The following PHRF1 variants were observed in gnomAD, a reference collection of about 807,000 sequenced individuals.
PHRF1 encodes PHD and RING finger domain-containing protein 1.
Under a neutral mutation model 128.9 loss-of-function variants are expected in PHRF1, and 53 were observed. The ratio of observed to expected loss-of-function variants is 0.41; its 90% confidence interval spans 0.33 to 0.52. PHRF1 has a LOEUF of 0.52. Ranked by LOEUF, PHRF1 falls within the 20% of genes least tolerant of loss-of-function variation. The pLI is 0.21. For synonymous variants in PHRF1, 1,178 were observed against 980.6 expected, an observed-to-expected ratio of 1.20 and a Z score of -3.76; for missense variants, 2,503 against 2,284.5, an observed-to-expected ratio of 1.10 and a Z score of -1.95.
chr11:605,856 T>C (rs4623937), intron 12 of PHRF1, 132 bp downstream of exon 12: 1,171,674 of 1,365,358 alleles, frequency 0.86, 503,585 homozygotes, highest in Middle Eastern at 0.88. Context: ...TCAGCTGTCA[T>C]GCTCATCAGT....
intron 3 of PHRF1, among the ~76,000 whole-genome samples, chr11:585,769 G>A (rs1031123727): frequency 8.9e-5 from 13 of 145,788 alleles, no homozygotes; most frequent in African/African-American, 3.4e-4. Flanking sequence ...CAAGCTCTGC[G>A]TCCCAGGTTC....
chr11:588,729 T>C (rs1396696826), intron 4 of PHRF1, among the ~76,000 whole-genome samples: 1 of 152,174 alleles, frequency 6.6e-6, no homozygotes, highest in Non-Finnish European at 1.5e-5. Context: ...AAGTGAAGCT[T>C]TCATTTAAAT....
rs1856203381 is a variant in PHRF1 at position 609,409 on chromosome 11, C to T, written c.3953C>T (p.Ala1318Val). 1.2e-6 allele frequency: 2 copies of T among 1,610,338 alleles called. No homozygotes were observed. Among genetic ancestry groups the T allele is most frequent in the Non-Finnish European group, 8.5e-7 (1 of 1,179,856 alleles). ...CCCCCAGCCAGCCTGGCCGTGGCCG[C>T]CATCCAGAGGGAGGTGTCATTGATG... ...ALPPASLAVA[A>V]IQREVSLMHD... Residue 1318 changes from alanine to valine, a missense_variant, in exon 14 of 18, where the codon GCC (alanine) becomes GTC (valine). Physicochemically the swap from Ala to Val is moderately conservative, Grantham distance 64 (BLOSUM62 0). Transcript: ENST00000264555.
Position 610,271 on chromosome 11 carries a change from G to A in PHRF1, c.4340G>A (p.Arg1447Lys). The A allele has an allele frequency of 6.4e-7, 1 of 1,558,298 alleles. No individual in the cohort carries two copies. Among genetic ancestry groups the A allele is most frequent in the Non-Finnish European group, 8.7e-7 (1 of 1,151,174 alleles). The change falls in exon 15 of 18, where the codon AGG (arginine) becomes AAG (lysine). Residue 1447 changes from arginine (R) to lysine (K), a missense_variant. By Grantham distance (26) the Arg-to-Lys change is conservative. Coordinates refer to ENST00000264555, the MANE Select transcript of PHRF1 (RefSeq NM_001286581.2). ...DMEDVAPTGV[R>K]QVFSELPFPS... Reference sequence around the variant, plus strand: ...GAGGATGTGGCCCCCACAGGGGTCAGGCAGGTGTTCTCCGAGCTGCCCTTT... The same window carrying A: ...GAGGATGTGGCCCCCACAGGGGTCAAGCAGGTGTTCTCCGAGCTGCCCTTT...
At position 605,483 on chromosome 11, in the gene PHRF1, C is replaced by T. The variant is rs1007738678; in HGVS notation, c.1335-122C>T. On this transcript the variant is annotated intron_variant, in intron 11 of 17. Transcript: ENST00000264555. The stretch of plus-strand genomic sequence containing the variant: ...GAACTCAGAGGTCTGGTTCGGGGCC[C>T]GAATCACACGTGCCGCCACATGGCC... 35 of 1,505,260 alleles carry T rather than the reference C, an allele frequency of 2.3e-5. 1 individual carries two copies. Among genetic ancestry groups the T allele is most frequent in the East Asian group, 2.3e-4 (10 of 43,292 alleles). The allele number at this position is 1,505,260 out of a possible 1,614,324, so 93.2% of individuals were successfully genotyped here. A position where few individuals can be genotyped will look rare whatever the true frequency, so the allele number is the denominator to read the frequency against.
chr11:610,200 A>C lies in PHRF1; in HGVS notation c.4269A>C (p.Ala1423=). ...SAPAEDRAPR[A]PLHRPQKPRE... ...CCCTGTCTGTCGGGCCCCCAGGGGC[A>C]CCACTTCACAGGCCACAGAAGCCCC... Residue 1423 remains alanine, a synonymous_variant, in exon 15 of 18, where the codon GCA becomes GCC. Transcript: ENST00000264555. 6.6e-7 allele frequency: 1 copy of C among 1,515,286 alleles called. No homozygotes were observed. Among genetic ancestry groups the C allele is most frequent in the Non-Finnish European group, 8.9e-7 (1 of 1,126,320 alleles). 93.9% of individuals were successfully genotyped at this position (1,515,286 alleles called of 1,614,324 possible).
At chr11:610,811 A>T in intron 16 of PHRF1, 50 bp downstream of exon 16, 1 of 1,588,722 alleles carries the variant, frequency 6.3e-7, no homozygotes. Flanking sequence ...TTACTTTGAA[A>T]CTAAAGTTGT....
In PHRF1 at chr11:607,491, C is replaced by A. The variant is rs761928233; in HGVS notation, c.2035C>A (p.Leu679Ile). Reference protein sequence around the residue: ...PAPRRTDISELPRIPKIRRDD... With the variant: ...PAPRRTDISEIPRIPKIRRDD... Reference sequence around the variant, plus strand: ...GCCCAGAAGAACAGACATCTCTGAGCTACCCAGGATACCAAAGATCAGGAG... The same window carrying A: ...GCCCAGAAGAACAGACATCTCTGAGATACCCAGGATACCAAAGATCAGGAG... Residue 679 changes from leucine (L) to isoleucine (I), a missense_variant, in exon 14 of 18, where the codon CTA becomes ATA. Transcript: ENST00000264555. The A allele has an allele frequency of 1.2e-6, 2 of 1,612,880 alleles. No homozygotes were observed. Among genetic ancestry groups the A allele is most frequent in the Non-Finnish European group, 1.7e-6 (2 of 1,179,900 alleles).
chr11:601,929 A>T (rs1245552785), intron 10 of PHRF1, among the ~76,000 whole-genome samples: 2 of 152,216 alleles, frequency 1.3e-5, no homozygotes, highest in African/African-American at 4.8e-5. Flanking sequence ...TTCCTGAGGC[A>T]CACTGAGGGG....
Position 592,586 on chromosome 11 carries a change from G to A in PHRF1, c.532G>A (p.Glu178Lys), listed in dbSNP as rs930157776. ...KIPVENTKAS[E>K]EEEDPTFCEV... ...CCCAGTGGAGAACACCAAAGCGAGCGAGGAGGAGGAGGACCCGACCTTCTG... is the reference window on the plus strand; with the variant it reads ...CCCAGTGGAGAACACCAAAGCGAGCAAGGAGGAGGAGGACCCGACCTTCTG... The change falls in exon 6 of 18, where the codon GAG (glutamate) becomes AAG (lysine). Residue 178 changes from glutamate to lysine, a missense_variant. Coordinates refer to ENST00000264555, the MANE Select transcript of PHRF1 (RefSeq NM_001286581.2). 11 of 1,613,228 alleles carry A rather than the reference G, an allele frequency of 6.8e-6. No homozygotes were observed. Among genetic ancestry groups the A allele is most frequent in the South Asian group, 2.2e-5 (2 of 91,090 alleles).
chr11:598,684 G>T (rs1483724775), intron 9 of PHRF1, among the ~76,000 whole-genome samples, 182 bp downstream of exon 9: 10 of 152,256 alleles, frequency 6.6e-5, no homozygotes, highest in Admixed American at 6.5e-4. Context: ...CTGATGTGCC[G>T]ATCTGCGACC....
At position 607,828 on chromosome 11, in the gene PHRF1, T is replaced by C. The variant is rs762181070; in HGVS notation, c.2372T>C (p.Leu791Pro). 8 of 1,612,556 alleles carry C rather than the reference T, an allele frequency of 5.0e-6. No individual in the cohort carries two copies. In the African/African-American group the frequency reaches 9.3e-5, roughly 19 times the overall value. Residue 791 changes from leucine (L) to proline (P), a missense_variant, in exon 14 of 18, where the codon CTC becomes CCC. By Grantham distance (98) the Leu-to-Pro change is moderately conservative. Coordinates refer to ENST00000264555, the MANE Select transcript of PHRF1 (RefSeq NM_001286581.2). ...IPGNMAHSSQ[L>P]SSPGFCNTFR... ...GGAAACATGGCACATTCCAGCCAGC[T>C]CTCCAGCCCTGGCTTCTGTAACACG...
In PHRF1 at chr11:609,428, A is replaced by G. The variant is rs761729204; in HGVS notation, c.3972A>G (p.Ser1324=). The change falls in exon 14 of 18, where the codon TCA becomes TCG. Residue 1324 remains serine (S), a synonymous_variant. Coordinates refer to ENST00000264555, the MANE Select transcript of PHRF1 (RefSeq NM_001286581.2). ...TGGCCGCCATCCAGAGGGAGGTGTC[A>G]TTGATGCACGATGAAGACCCTTCGC... The part of the protein sequence containing the change: ...LAVAAIQREV[S]LMHDEDPSQP... 6.2e-7 allele frequency: 1 copy of G among 1,608,830 alleles called. No individual in the cohort carries two copies. The highest frequency in any genetic ancestry group is 1.6e-4 in the Middle Eastern group (1 of 6,062).
Position 608,770 on chromosome 11 carries a change from A to C in PHRF1, c.3314A>C (p.Glu1105Ala), listed in dbSNP as rs746823716. The change falls in exon 14 of 18, where the codon GAG becomes GCG. Residue 1105 changes from glutamate to alanine, a missense_variant. Glu to Ala is a moderately radical substitution (Grantham distance 107). Transcript: ENST00000264555. The part of the protein sequence containing the change: ...SPGSSSYEHY[E>A]SRKKKKRRSA... ...GGCAGCTCTTCCTATGAGCACTATG[A>C]GAGTAGGAAGAAGAAGAAAAGGAGA... 5.6e-6 allele frequency: 9 copies of C among 1,611,426 alleles called. No homozygotes were observed. The highest frequency in any genetic ancestry group is 5.9e-6 in the Non-Finnish European group (7 of 1,179,616).
In PHRF1 at chr11:605,212, G is replaced by C; in HGVS notation, c.1246G>C (p.Glu416Gln). 3.1e-6 allele frequency: 5 copies of C among 1,613,576 alleles called. No homozygotes were observed. The highest frequency in any genetic ancestry group is 4.2e-6 in the Non-Finnish European group (5 of 1,179,872). Reference sequence around the variant, plus strand: ...CATCCCGTCAGTGTTGAAGCCAGTGGAGCCCTCTTTGGGGCTGCTGAGAGC... The same window carrying C: ...CATCCCGTCAGTGTTGAAGCCAGTGCAGCCCTCTTTGGGGCTGCTGAGAGC... ...SCIPSVLKPV[E>Q]PSLGLLRADI... The change falls in exon 11 of 18, where the codon GAG becomes CAG. Residue 416 changes from glutamate (E) to glutamine (Q), a missense_variant. By Grantham distance (29) the Glu-to-Gln change is conservative. Coordinates refer to ENST00000264555, the MANE Select transcript of PHRF1 (RefSeq NM_001286581.2).
At chr11:594,402 G>C (rs1206764241) in intron 6 of PHRF1, among the ~76,000 whole-genome samples, 2 of 152,240 alleles carry the variant, frequency 1.3e-5, no homozygotes, top group Non-Finnish European at 2.9e-5. Flanking sequence ...TGGTTTTCCT[G>C]TTAGCTTTTA....
chr11:593,015 C>T (rs979015745), intron 6 of PHRF1, among the ~76,000 whole-genome samples: 2 of 152,338 alleles, frequency 1.3e-5, no homozygotes, highest in Non-Finnish European at 1.5e-5. Context: ...GCTATGCCTG[C>T]GTCCATCATT....
At chr11:586,628 C>T (rs1196346616) in intron 3 of PHRF1, among the ~76,000 whole-genome samples, 3 of 152,182 alleles carry the variant, frequency 2.0e-5, no homozygotes, top group Non-Finnish European at 2.9e-5. Context: ...TAGCAGTGCA[C>T]GTATGGGCTC....
Position 597,522 on chromosome 11 carries a change from G to C in PHRF1, c.846G>C (p.Val282=), listed in dbSNP as rs1386005250. The stretch of plus-strand genomic sequence containing the variant: ...CCAGGACACGGCAGAGTGAGAGAGT[G>C]AGAGCAACCGTGAACCGGAACCGGA... ...AIARTRQSER[V]RATVNRNRIS... Residue 282 remains valine, a synonymous_variant, in exon 8 of 18, where the codon GTG becomes GTC. Transcript: ENST00000264555. The surrounding 1 kb of genome is among the most constrained non-coding windows in gnomAD (Gnocchi z 6.5). 6.2e-7 allele frequency: 1 copy of C among 1,612,534 alleles called. No individual in the cohort carries two copies. Among genetic ancestry groups the C allele is most frequent in the Admixed American group, 1.7e-5 (1 of 59,914 alleles).
Sources: gnomAD v4.1 joint callset for allele counts (sites outside exome capture counted in the v4.1 genomes callset) on GRCh38, gnomAD v4.1.1 for gene constraint, Gnocchi (gnomAD v3.1) non-coding constraint, MANE v1.5 for transcripts, NCBI Gene and HGNC (gene_info 2026-07-23, HGNC 2026-07-21) for gene names.